The following AOAH variants were observed in gnomAD, a reference collection of about 807,000 sequenced individuals.
AOAH encodes the protein acyloxyacyl hydrolase (neutrophil).
A neutral mutation model predicts 92.2 loss-of-function variants in AOAH; 64 were observed. The ratio of observed to expected loss-of-function variants is 0.69; its 90% CI spans 0.57 to 0.86. AOAH has a LOEUF of 0.86. Ranked by LOEUF, AOAH falls within the 40% of genes least tolerant of loss-of-function variation. The probability of loss-of-function intolerance (pLI) is 0.00; values close to 1 mark genes in which losing one functional copy is unlikely to be tolerated. For missense variants in AOAH, 656 were observed against 694.6 expected (o/e 0.94, Z 0.62); for synonymous variants, 263 against 254.5 (o/e 1.03, Z -0.32).
At chr7:36,644,706 A>C (rs530622535) in intron 4 of AOAH, among the ~76,000 whole-genome samples, 53 of 152,366 alleles carry the variant, frequency 3.5e-4, no homozygotes, top group Non-Finnish European at 6.5e-4. Flanking sequence ...GCTTTTAGGC[A>C]TGAGTTTCTA....
chr7:36,581,601 T>C (rs1001379506), intron 12 of AOAH, among the ~76,000 whole-genome samples: 2 of 152,222 alleles, frequency 1.3e-5, no homozygotes, highest in African/African-American at 4.8e-5. Context: ...GGAAAGTAAT[T>C]CTTACCTATT....
chr7:36,648,972 A>AT (rs1443200190), intron 4 of AOAH, among the ~76,000 whole-genome samples: 6 of 152,182 alleles, frequency 3.9e-5, no homozygotes, highest in Admixed American at 2.6e-4. Flanking sequence ...TTGAATTTTG[A>AT]TTTTTTCTCT....
intron 12 of AOAH, among the ~76,000 whole-genome samples, chr7:36,588,706 C>A (rs1054996117): frequency 1.3e-5 from 2 of 152,162 alleles, no homozygotes; most frequent in African/African-American, 4.8e-5. Flanking sequence ...AAATTATTCT[C>A]TCATATAACA....
At chr7:36,640,348 G>A (rs1454450891) in intron 4 of AOAH, among the ~76,000 whole-genome samples, 1 of 152,154 alleles carries the variant, frequency 6.6e-6, no homozygotes, top group Non-Finnish European at 1.5e-5. Context: ...AAAATTAGAA[G>A]CATTTCTGCA....
At chr7:36,597,010 C>T (rs1391555522) in intron 11 of AOAH, among the ~76,000 whole-genome samples, 3 of 152,160 alleles carry the variant, frequency 2.0e-5, no homozygotes, top group Admixed American at 6.5e-5. Context: ...TTCCTCTGCT[C>T]CTCCTTCTTC....
chr7:36,601,371 G>C (rs78848405), intron 11 of AOAH, among the ~76,000 whole-genome samples: 2,124 of 149,832 alleles, frequency 0.014, 40 homozygotes, highest in African/African-American at 0.05. Context: ...GGGAGGGAGA[G>C]GGGGGAAGGG....
intron 16 of AOAH, among the ~76,000 whole-genome samples, chr7:36,533,580 C>T (rs1433921238): frequency 2.6e-5 from 4 of 152,140 alleles, no homozygotes; most frequent in Non-Finnish European, 4.4e-5. Context: ...CCTTGGCTTT[C>T]GTCCTTGCTT....
chr7:36,616,095 G>A (rs1791858884), intron 11 of AOAH, among the ~76,000 whole-genome samples: 3 of 152,170 alleles, frequency 2.0e-5, no homozygotes, highest in African/African-American at 4.8e-5. Flanking sequence ...CGGGGAAGCC[G>A]GCCCGGTGGG....
intron 1 of AOAH, among the ~76,000 whole-genome samples, chr7:36,691,397 T>C (rs1797388135): frequency 6.6e-6 from 1 of 152,206 alleles, no homozygotes; most frequent in Non-Finnish European, 1.5e-5. Flanking sequence ...CCTAAGATGC[T>C]AGTTACTCAG....
chr7:36,627,497 TAAAGTAGAATC>T (rs2116169572), intron 6 of AOAH, among the ~76,000 whole-genome samples: 1 of 151,704 alleles, frequency 6.6e-6, no homozygotes, highest in East Asian at 1.9e-4. Context: ...TTCTCATTGG[TAAAGTAGAATC>T]AATATCATTA....
intron 13 of AOAH, among the ~76,000 whole-genome samples, chr7:36,556,309 A>C (rs1786707478): frequency 6.6e-6 from 1 of 152,148 alleles, no homozygotes; most frequent in African/African-American, 2.4e-5. Flanking sequence ...TGAGTTTCTT[A>C]ATCCTGAGTT....
rs1450783191 is a variant in AOAH, at chr7:36,638,025, T to TA, written c.391-116dup. 17 of 784,078 alleles carry TA rather than the reference T, an allele frequency of 2.2e-5. 1 individual carries two copies. The highest frequency in any genetic ancestry group is 2.1e-4 in the African/African-American group (12 of 56,972). The allele number at this position is 784,078 out of a possible 1,614,324, so 48.6% of individuals were successfully genotyped here. A position where few individuals can be genotyped will look rare whatever the true frequency, so the allele number is the denominator to read the frequency against. ...AGTTTTCAATAAATGAACCACTCCA[T>TA]AAATTTGTAATAAAATAATTCACAA... is the stretch of plus-strand genomic sequence containing the variant. On this transcript the variant is annotated intron_variant, in intron 4 of 20. Coordinates refer to ENST00000617537, the MANE Select transcript of AOAH (RefSeq NM_001637.4).
chr7:36,581,583 T>C (rs1404731592), intron 12 of AOAH, among the ~76,000 whole-genome samples: 1 of 152,224 alleles, frequency 6.6e-6, no homozygotes, highest in African/African-American at 2.4e-5. Flanking sequence ...AGGGGTTATT[T>C]TTCTTTGGGA....
chr7:36,556,461 C>T lies in AOAH; in HGVS notation c.1022-6986G>A, dbSNP rs1366826443. Among the ~76,000 whole-genome samples the T allele has an allele frequency of 4.6e-5, 7 of 152,180 alleles. No individual in the cohort carries two copies. The South Asian group carries it at 6.2e-4, about 14-fold the overall frequency. ...GGTGATGAAAAAAATGTATATTCTG[C>T]TGATTTGGGGTGGAGAGTTCTGTAG... On this transcript the variant is annotated intron_variant, in intron 13 of 20. Transcript: ENST00000617537.
At chr7:36,717,010 AAATAAAT>A (rs1799240676) in intron 1 of AOAH, among the ~76,000 whole-genome samples, 2 of 151,052 alleles carry the variant, frequency 1.3e-5, no homozygotes, top group Non-Finnish European at 2.9e-5. Context: ...ATAAATAAAT[AAATAAAT>A]AAAAAAGCAT....
chr7:36,615,289 T>C (rs1292184135), intron 11 of AOAH, among the ~76,000 whole-genome samples: 1 of 152,244 alleles, frequency 6.6e-6, no homozygotes, highest in Non-Finnish European at 1.5e-5. Flanking sequence ...AAATTTATTT[T>C]TTTAGAATGA....
At chr7:36,569,515 GTCTA>G (rs1333251464) in intron 13 of AOAH, among the ~76,000 whole-genome samples, 9 of 133,700 alleles carry the variant, frequency 6.7e-5, no homozygotes, top group South Asian at 2.4e-4. Context: ...CTATCTATCT[GTCTA>G]TCTTTCTACC....
At position 36,603,283 on chromosome 7, in the gene AOAH, C is replaced by G. The variant is rs561876059; in HGVS notation, c.847-8853G>C. Among the ~76,000 whole-genome samples, 3 of 152,282 alleles carry G rather than the reference C, an allele frequency of 2.0e-5. No individual in the cohort carries two copies. The East Asian group carries it at 5.8e-4, about 29-fold the overall frequency. ...CTCCTGACAGCCCTCCTCTCCCACC[C>G]CCGTCAACAATCTGGGTCCCCTGAA... On this transcript the variant is annotated intron_variant, in intron 11 of 20. Transcript: ENST00000617537.
At chr7:36,535,537 G>A (rs1785003350) in intron 16 of AOAH, among the ~76,000 whole-genome samples, 1 of 152,228 alleles carries the variant, frequency 6.6e-6, no homozygotes, top group African/African-American at 2.4e-5. Flanking sequence ...ATTGGGGCAA[G>A]ATGAAGTTGC....
Sources: gnomAD v4.1 joint callset for allele counts (sites outside exome capture counted in the v4.1 genomes callset) on GRCh38, gnomAD v4.1.1 for gene constraint, MANE v1.5 for transcripts, NCBI Gene and HGNC (gene_info 2026-07-23, HGNC 2026-07-21) for gene names.